CD302: variants seen among roughly 807,000 people sequenced by gnomAD.
CD302 encodes CD302 antigen.
In CD302, 23 loss-of-function variants were observed where a neutral mutation model predicts 26.5. The ratio of observed to expected loss-of-function variants is 0.87; its 90% CI spans 0.62 to 1.23. The LOEUF is 1.23. CD302 is among the 50% of genes most tolerant of loss of function. The probability of loss-of-function intolerance (pLI) is 0.00; values close to 1 mark genes in which losing one functional copy is unlikely to be tolerated. For missense variants in CD302, 290 were observed against 275.5 expected (o/e 1.05, Z -0.37); for synonymous variants, 90 against 99.4 (o/e 0.91, Z 0.56).
intron 2 of CD302, 51 bp downstream of exon 2, chr2:159,783,308 C>CA: frequency 7.1e-7 from 1 of 1,409,404 alleles, no homozygotes; most frequent in Non-Finnish European, 9.5e-7. Context: ...AATTAATGAA[C>CA]ACTGTTCACT....
chr2:159,787,141 GA>G (rs1467879499), intron 1 of CD302, among the ~76,000 whole-genome samples: 2 of 152,156 alleles, frequency 1.3e-5, no homozygotes, highest in African/African-American at 4.8e-5. Flanking sequence ...TACTTCTTGT[GA>G]GTACCTTTGT....
chr2:159,793,732 ATC>A, intron 1 of CD302, among the ~76,000 whole-genome samples: 1 of 152,172 alleles, frequency 6.6e-6, no homozygotes, highest in East Asian at 1.9e-4. Context: ...GAGCTTCAAG[ATC>A]TCTCTGAATC....
chr2:159,771,673 C>A lies in CD302; in HGVS notation c.*178G>T. On this transcript the variant is annotated 3_prime_UTR_variant, in exon 6 of 6. Coordinates refer to ENST00000259053, the MANE Select transcript of CD302 (RefSeq NM_014880.5). ...ATTAGATCTAAGATCATTTCTAAAA[C>A]CTGTTTTTTTAATGAACCTAAAGAC... The A allele has an allele frequency of 1.4e-6, 1 of 698,520 alleles. No homozygotes were observed. Among genetic ancestry groups the A allele is most frequent in the Non-Finnish European group, 2.3e-6 (1 of 441,342 alleles). 43.3% of individuals were successfully genotyped at this position (698,520 alleles called of 1,614,324 possible). A position where few individuals can be genotyped will look rare whatever the true frequency, so the allele number is the denominator to read the frequency against.
At chr2:159,784,454 C>A (rs1230277547) in intron 1 of CD302, among the ~76,000 whole-genome samples, 2 of 140,824 alleles carry the variant, frequency 1.4e-5, no homozygotes, top group East Asian at 4.3e-4. Context: ...CTCCTGGGCT[C>A]AAGGGATCCT....
intron 5 of CD302, among the ~76,000 whole-genome samples, chr2:159,773,809 T>A (rs1373441803): frequency 6.6e-6 from 1 of 152,188 alleles, no homozygotes; most frequent in East Asian, 1.9e-4. Flanking sequence ...AAAGGAAAGG[T>A]CCATTGCTTG....
intron 1 of CD302, among the ~76,000 whole-genome samples, chr2:159,783,754 T>A (rs1286470380): frequency 6.6e-6 from 1 of 152,320 alleles, no homozygotes; most frequent in Non-Finnish European, 1.5e-5. Flanking sequence ...ATTAGTGTTA[T>A]CACCAAGGCA....
Position 159,771,883 on chromosome 2 carries a change from C to T in CD302, c.667G>A (p.Glu223Lys). Residue 223 changes from glutamate to lysine, a missense_variant, in exon 6 of 6, where the codon GAA becomes AAA. Transcript: ENST00000259053. ...AATTGAACAGGATATTCATTTTCTTCTCCAACTACCAAAACACAGTCTTCA... is the reference window on the plus strand; with the variant it reads ...AATTGAACAGGATATTCATTTTCTTTTCCAACTACCAAAACACAGTCTTCA... Reference protein sequence around the residue: ...YNEDCVLVVGEENEYPVQFD With the variant: ...YNEDCVLVVGKENEYPVQFD 6.2e-7 allele frequency: 1 copy of T among 1,613,914 alleles called. No individual in the cohort carries two copies. Among genetic ancestry groups the T allele is most frequent in the East Asian group, 2.2e-5 (1 of 44,848 alleles).
chr2:159,791,728 C>T (rs1161555327), intron 1 of CD302, among the ~76,000 whole-genome samples: 1 of 152,180 alleles, frequency 6.6e-6, no homozygotes, highest in Non-Finnish European at 1.5e-5. Context: ...ACTACACAAT[C>T]GTGGACATGT....
chr2:159,798,134 G>A lies in CD302; in HGVS notation c.65C>T (p.Ala22Val). The change falls in exon 1 of 6, where the codon GCG (alanine) becomes GTG (valine). Residue 22 changes from alanine to valine, a missense_variant and splice_region_variant. By Grantham distance (64) the Ala-to-Val change is moderately conservative. Coordinates refer to ENST00000259053, the MANE Select transcript of CD302 (RefSeq NM_014880.5). Reference protein sequence around the residue: ...PLLGLAAAAVADCPSSTWIQF... With the variant: ...PLLGLAAAAVVDCPSSTWIQF... The stretch of plus-strand genomic sequence containing the variant: ...CGAGGGACTACGTAAGGGCTTACCC[G>A]CGACGGCAGCAGCGGCGAGGCCCAG... 2.0e-6 allele frequency: 3 copies of A among 1,487,688 alleles called. No homozygotes were observed. The highest frequency in any genetic ancestry group is 2.7e-6 in the Non-Finnish European group (3 of 1,124,494). 92.2% of individuals were successfully genotyped at this position (1,487,688 alleles called of 1,614,324 possible). A position where few individuals can be genotyped will look rare whatever the true frequency, so the allele number is the denominator to read the frequency against.
At chr2:159,797,976 A>T (rs1368797478) in intron 1 of CD302, among the ~76,000 whole-genome samples, 156 bp downstream of exon 1, 1 of 152,110 alleles carries the variant, frequency 6.6e-6, no homozygotes, top group East Asian at 1.9e-4. Context: ...CGGAGCCAGG[A>T]CCCACGGGGG....
In CD302 at chr2:159,769,812, G is replaced by C. The variant is rs1708077104; in HGVS notation, c.*2039C>G. 1 of 152,154 alleles carries C rather than the reference G, an allele frequency of 6.6e-6. No homozygotes were observed. The allele number at this position is 152,154 out of a possible 1,614,324, so 9.4% of individuals were successfully genotyped here. A position where few individuals can be genotyped will look rare whatever the true frequency, so the allele number is the denominator to read the frequency against. ...AAAGTTGTATGGGAGTTGAGTGGAA[G>C]GTAGGATTTAAGAGCAGCACTGCCC... On this transcript the variant is annotated 3_prime_UTR_variant, in exon 6 of 6. Coordinates refer to ENST00000259053, the MANE Select transcript of CD302 (RefSeq NM_014880.5).
intron 1 of CD302, among the ~76,000 whole-genome samples, chr2:159,785,179 T>C (rs1471633032): frequency 1.3e-5 from 2 of 152,082 alleles, no homozygotes; most frequent in Non-Finnish European, 1.5e-5. Flanking sequence ...TCTTGCTATG[T>C]TGCCCAGGCT....
intron 1 of CD302, among the ~76,000 whole-genome samples, chr2:159,792,685 T>C (rs1216845179): frequency 6.6e-6 from 1 of 152,150 alleles, no homozygotes; most frequent in African/African-American, 2.4e-5. Context: ...ACAAGTTTAT[T>C]GGGATATAGC....
At chr2:159,794,839 C>T (rs1016112553) in intron 1 of CD302, among the ~76,000 whole-genome samples, 8 of 151,828 alleles carry the variant, frequency 5.3e-5, no homozygotes, top group Non-Finnish European at 1.0e-4. Flanking sequence ...TGAGCCACCA[C>T]GCCCAGCTCA....
At chr2:159,795,218 A>G (rs1458378732) in intron 1 of CD302, among the ~76,000 whole-genome samples, 2 of 151,176 alleles carry the variant, frequency 1.3e-5, no homozygotes, top group African/African-American at 4.9e-5. Context: ...GTGAGACTCC[A>G]TCTCGGAAAA....
chr2:159,785,307 T>C (rs1296589607), intron 1 of CD302, among the ~76,000 whole-genome samples: 1 of 152,078 alleles, frequency 6.6e-6, no homozygotes, highest in African/African-American at 2.4e-5. Context: ...TTTTTTTTCC[T>C]TCCAGCTGTT....
chr2:159,780,226 T>G, intron 3 of CD302, 48 bp from the exon 4 acceptor site: 1 of 1,592,026 alleles, frequency 6.3e-7, no homozygotes, highest in South Asian at 1.1e-5. Context: ...TTAAAAGGAG[T>G]TCAAGCCAAA....
At chr2:159,794,521 AATTTATTTATTT>A (rs201764086) in intron 1 of CD302, among the ~76,000 whole-genome samples, 1 of 25,024 alleles carries the variant, frequency 4.0e-5, no homozygotes, top group East Asian at 1.4e-3. Context: ...AAAATTAATT[AATTTATTTATTT>A]ATTTATTTAT....
In CD302 at chr2:159,779,246, A is replaced by AC. The variant is rs1319843841; in HGVS notation, c.469+758_469+759insG. ...ACTGCATCGCAAAAAAAAAAAAAAA[A>AC]AAAAAAAAAACCTTCTGACGGGTCA... On this transcript the variant is annotated intron_variant, in intron 4 of 5. Coordinates refer to ENST00000259053, the MANE Select transcript of CD302 (RefSeq NM_014880.5). Among the ~76,000 whole-genome samples, 54 of 151,400 alleles carry AC rather than the reference A, an allele frequency of 3.6e-4. 1 individual carries two copies. Among genetic ancestry groups the AC allele is most frequent in the African/African-American group, 1.2e-3 (49 of 41,294 alleles).
Sources: allele counts gnomAD v4.1 joint callset (sites outside exome capture counted in the v4.1 genomes callset), GRCh38; gene constraint gnomAD v4.1.1; transcripts MANE v1.5; gene names NCBI Gene and HGNC (gene_info 2026-07-23, HGNC 2026-07-21).